Variants in APOB observed in about 807,000 individuals in gnomAD.
The protein encoded by APOB is apolipoprotein B.
In APOB, 153 loss-of-function variants were observed where a neutral mutation model predicts 314.1. That is an observed-to-expected ratio of 0.49 (90% CI 0.43 to 0.56). The LOEUF (loss-of-function observed/expected upper bound fraction) is 0.56, where lower values mean the gene tolerates loss of function less well. Ranked by LOEUF, APOB falls within the 20% of genes least tolerant of loss-of-function variation. APOB has a pLI of 0.00. For missense variants in APOB, 5,430 were observed against 5,350.7 expected (o/e 1.01, Z -0.46); for synonymous variants, 2,087 against 2,036.4 (o/e 1.02, Z -0.67).
chr2:21,037,865 A>G, intron 5 of APOB, 93 bp downstream of exon 5: 1 of 1,489,758 alleles, frequency 6.7e-7, no homozygotes. Flanking sequence ...CATGGAGCTG[A>G]CTCAGTGATC....
rs12720851 is a variant in APOB at position 21,004,459 on chromosome 2, G to A, written c.11904-7C>T. On this transcript the variant is annotated splice_region_variant and splice_polypyrimidine_tract_variant and intron_variant, in intron 27 of 28. Coordinates refer to ENST00000233242, the MANE Select transcript of APOB (RefSeq NM_000384.3). ...CGCTTTTCCTTCCCATTCCCTGAAA[G>A]CAGAAAAACAGATGAGCTATCACGA... is the stretch of plus-strand genomic sequence containing the variant. 8.7e-3 allele frequency: 14,019 copies of A among 1,613,920 alleles called. 522 individuals carry two copies. In the African/African-American group the frequency reaches 0.11, roughly 13 times the overall value.
intron 28 of APOB, 99 bp downstream of exon 28, chr2:21,004,170 A>C: frequency 7.6e-7 from 1 of 1,309,474 alleles, no homozygotes; most frequent in Non-Finnish European, 1.1e-6. Flanking sequence ...TCTTTCACCT[A>C]GTTTGGGGAA....
intron 13 of APOB, 42 bp downstream of exon 13, chr2:21,028,285 C>T (rs1168297684): frequency 2.6e-6 from 4 of 1,535,418 alleles, no homozygotes; most frequent in African/African-American, 1.4e-5. Flanking sequence ...AATTCCAGCT[C>T]AGGGCCCTCA....
intron 14 of APOB, 72 bp from the exon 15 acceptor site, chr2:21,027,036 C>G: frequency 7.3e-7 from 1 of 1,372,024 alleles, no homozygotes; most frequent in Non-Finnish European, 1.0e-6. Flanking sequence ...AGTCCCCACT[C>G]TTGATGTCCA....
rs754565622 is a variant in APOB, at chr2:21,009,538, G to T, written c.7330C>A (p.Arg2444Ser). The T allele has an allele frequency of 6.2e-7, 1 of 1,613,990 alleles. No individual in the cohort carries two copies. Among genetic ancestry groups the T allele is most frequent in the Non-Finnish European group, 8.5e-7 (1 of 1,179,960 alleles). Reference sequence around the variant, plus strand: ...CCATTGAGTCTCTGAGTCACCTCACGGATTTTGTCATTGGTTTCATCTACA... The same window carrying T: ...CCATTGAGTCTCTGAGTCACCTCACTGATTTTGTCATTGGTTTCATCTACA... ...QFVDETNDKI[R>S]EVTQRLNGEI... The change falls in exon 26 of 29, where the codon CGT becomes AGT. Residue 2444 changes from arginine (R) to serine (S), a missense_variant. Coordinates refer to ENST00000233242, the MANE Select transcript of APOB (RefSeq NM_000384.3).
At position 21,011,758 on chromosome 2, in the gene APOB, C is replaced by A. The variant is rs142638069; in HGVS notation, c.5110G>T (p.Ala1704Ser). The change falls in exon 26 of 29, where the codon GCC (alanine) becomes TCC (serine). Residue 1704 changes from alanine (A) to serine (S), a missense_variant. This residue lies in a region of APOB where 2,085 missense variants were observed against 2,079.7 expected (regional missense o/e 1.00). Transcript: ENST00000233242. ...CTTCCCAGTGATAGCTCTGTGAGGG[C>A]GGCTTTCCCATCCAGACTGAATTTT... ...NAKFSLDGKA[A>S]LTELSLGSAY... 4.3e-6 allele frequency: 7 copies of A among 1,614,080 alleles called. 1 individual carries two copies. The South Asian group carries it at 6.6e-5, about 15-fold the overall frequency.
Position 21,012,080 on chromosome 2 carries a change from T to C in APOB, c.4788A>G (p.Ala1596=), listed in dbSNP as rs1160188387. The C allele has an allele frequency of 6.2e-7, 1 of 1,614,144 alleles. No homozygotes were observed. Among genetic ancestry groups the C allele is most frequent in the Non-Finnish European group, 8.5e-7 (1 of 1,180,000 alleles). ...KMDMTFSKQN[A]LLRSEYQADY... ...CAGCCTGATATTCAGAACGCAGCAG[T>C]GCATTTTGCTTAGAGAAGGTCATAT... Residue 1596 remains alanine, a synonymous_variant, in exon 26 of 29, where the codon GCA becomes GCG. Coordinates refer to ENST00000233242, the MANE Select transcript of APOB (RefSeq NM_000384.3).
chr2:21,007,979 G>C lies in APOB; in HGVS notation c.8889C>G (p.Ile2963Met), dbSNP rs72653097. The part of the protein sequence containing the change: ...PLTSFGLSNK[I>M]NSKHLRVNQN... Reference sequence around the variant, plus strand: ...GGTTTACTCTTAGGTGTTTGCTATTGATCTTATTGGACAGTCCAAAGGAAG... The same window carrying C: ...GGTTTACTCTTAGGTGTTTGCTATTCATCTTATTGGACAGTCCAAAGGAAG... The change falls in exon 26 of 29, where the codon ATC becomes ATG. Residue 2963 changes from isoleucine to methionine, a missense_variant. Ile to Met is a conservative substitution (Grantham distance 10). This residue lies in a region of APOB where 3,281 missense variants were observed against 3,171.0 expected (regional missense o/e 1.03). Coordinates refer to ENST00000233242, the MANE Select transcript of APOB (RefSeq NM_000384.3). 6.2e-7 allele frequency: 1 copy of C among 1,613,932 alleles called. No homozygotes were observed. Among genetic ancestry groups the C allele is most frequent in the Non-Finnish European group, 8.5e-7 (1 of 1,179,950 alleles).
rs1373177138 is a variant in APOB at position 21,019,770 on chromosome 2, G to T, written c.2952C>A (p.Ala984=). Residue 984 remains alanine, a synonymous_variant, in exon 19 of 29, where the codon GCC becomes GCA. Coordinates refer to ENST00000233242, the MANE Select transcript of APOB (RefSeq NM_000384.3). ...AGTAGGAGGCGGAGTCTGTGGAGCT[G>T]GCGTTGGAGTAAGCGCCTGAGGTGC... The part of the protein sequence containing the change: ...NYCTSGAYSN[A]SSTDSASYYP... 6.2e-7 allele frequency: 1 copy of T among 1,614,172 alleles called. No individual in the cohort carries two copies. The highest frequency in any genetic ancestry group is 1.1e-5 in the South Asian group (1 of 91,080).
rs1663143512 is a variant in APOB, at chr2:21,006,533, A to G, written c.10335T>C (p.Asn3445=). 3 of 1,614,008 alleles carry G rather than the reference A, an allele frequency of 1.9e-6. No homozygotes were observed. The highest frequency in any genetic ancestry group is 1.1e-5 in the South Asian group (1 of 91,084). ...CAGTAGGTTTTGACTTGGTATTTCC[A>G]TTAAGTTCTTGCTTGAAATTCATTC... is the stretch of plus-strand genomic sequence containing the variant. ...ILRMNFKQEL[N]GNTKSKPTVS... is the part of the protein sequence containing the mutation. Residue 3445 remains asparagine (N), a synonymous_variant, in exon 26 of 29, where the codon AAT becomes AAC. Coordinates refer to ENST00000233242, the MANE Select transcript of APOB (RefSeq NM_000384.3).
At chr2:21,033,562 TCAAC>T (rs1663932678) in intron 8 of APOB, 44 bp from the exon 9 acceptor site, 1 of 1,510,830 alleles carries the variant, frequency 6.6e-7, no homozygotes, top group East Asian at 2.3e-5. Flanking sequence ...TTTCTTCATC[TCAAC>T]CATATCTTTG....
intron 21 of APOB, 36 bp from the exon 22 acceptor site, chr2:21,015,581 T>G (rs1663446048): frequency 6.2e-7 from 1 of 1,602,912 alleles, no homozygotes; most frequent in African/African-American, 1.3e-5. Flanking sequence ...CCAATGATTT[T>G]GTCCTTTCAA....
chr2:21,007,940 A>G lies in APOB; in HGVS notation c.8928T>C (p.Tyr2976=), dbSNP rs1026758687. Residue 2976 remains tyrosine (Y), a synonymous_variant, in exon 26 of 29, where the codon TAT becomes TAC. Transcript: ENST00000233242. The part of the protein sequence containing the change: ...KHLRVNQNLV[Y]ESGSLNFSKL... ...TAGAAAAGTTGAGGGAGCCAGATTC[A>G]TAAACCAAGTTTTGGTTTACTCTTA... 2.5e-6 allele frequency: 4 copies of G among 1,614,094 alleles called. No individual in the cohort carries two copies. Among genetic ancestry groups the G allele is most frequent in the Non-Finnish European group, 3.4e-6 (4 of 1,179,974 alleles).
In APOB at chr2:21,002,723, C is replaced by T. The variant is rs56675344; in HGVS notation, c.12699G>A (p.Ser4233=). 2.4e-4 allele frequency: 383 copies of T among 1,613,220 alleles called. No homozygotes were observed. In the African/African-American group the frequency reaches 4.1e-3, roughly 17 times the overall value. The change falls in exon 29 of 29, where the codon TCG becomes TCA. Residue 4233 remains serine, a synonymous_variant. Coordinates refer to ENST00000233242, the MANE Select transcript of APOB (RefSeq NM_000384.3). ...GTATTTCTGAACCATTATGGACTTT[C>T]GAATATACCTGGGACAGTACCGTCC... ...EVGTVLSQVY[S]KVHNGSEILF... is the part of the protein sequence containing the mutation.
chr2:21,029,663 C>T lies in APOB; in HGVS notation c.1593G>A (p.Leu531=), dbSNP rs1282477058. 1 of 1,614,236 alleles carries T rather than the reference C, an allele frequency of 6.2e-7. No individual in the cohort carries two copies. ...CCTTGTCTTTAGGCTCCATTTTCCGCAGAGCCTGGATGGCAGCTTTCTGGA... is the reference window on the plus strand; with the variant it reads ...CCTTGTCTTTAGGCTCCATTTTCCGTAGAGCCTGGATGGCAGCTTTCTGGA... ...LMIQKAAIQA[L]RKMEPKDKDQ... Residue 531 remains leucine, a synonymous_variant, in exon 12 of 29, where the codon CTG becomes CTA. Transcript: ENST00000233242.
rs1349004240 is a variant in APOB, at chr2:21,013,282, T to C, written c.4094A>G (p.Asn1365Ser). ...VLDLSTNVYS[N>S]LYNWSASYSG... Reference sequence around the variant, plus strand: ...GTAGGAGGCGGACCAGTTGTACAAGTTGCTGTAGACATTCGTGGAGAGGTC... The same window carrying C: ...GTAGGAGGCGGACCAGTTGTACAAGCTGCTGTAGACATTCGTGGAGAGGTC... The change falls in exon 25 of 29, where the codon AAC (asparagine) becomes AGC (serine). Residue 1365 changes from asparagine (N) to serine (S), a missense_variant. Transcript: ENST00000233242. 1.2e-6 allele frequency: 2 copies of C among 1,614,224 alleles called. No individual in the cohort carries two copies.
At position 21,009,861 on chromosome 2, in the gene APOB, G is replaced by A. The variant is rs1663256829; in HGVS notation, c.7007C>T (p.Ala2336Val). 1.2e-6 allele frequency: 2 copies of A among 1,613,956 alleles called. No homozygotes were observed. The highest frequency in any genetic ancestry group is 4.5e-5 in the East Asian group (2 of 44,856). The change falls in exon 26 of 29, where the codon GCC (alanine) becomes GTC (valine). Residue 2336 changes from alanine (A) to valine (V), a missense_variant. Coordinates refer to ENST00000233242, the MANE Select transcript of APOB (RefSeq NM_000384.3). ...GDFEVAEKIN[A>V]FRAKVHELIE... ...TAACTCATGGACTTTGGCTCTGAAG[G>A]CATTGATTTTCTCAGCTACTTCAAA...
At chr2:21,039,386 T>C (rs1231039899) in intron 4 of APOB, among the ~76,000 whole-genome samples, 1 of 152,244 alleles carries the variant, frequency 6.6e-6, no homozygotes, top group Non-Finnish European at 1.5e-5. Context: ...TTCTTTTGTA[T>C]GGTGTCAGGC....
intron 18 of APOB, among the ~76,000 whole-genome samples, chr2:21,020,916 G>T (rs1663590807): frequency 6.6e-6 from 1 of 152,056 alleles, no homozygotes; most frequent in Non-Finnish European, 1.5e-5. Context: ...ACTCATTGCT[G>T]GTTATTCCCC....
Sources: allele counts gnomAD v4.1 joint callset (sites outside exome capture counted in the v4.1 genomes callset), GRCh38; gene constraint gnomAD v4.1.1; regional missense constraint gnomAD v4.1.1; transcripts MANE v1.5; gene names NCBI Gene and HGNC (gene_info 2026-07-23, HGNC 2026-07-21).